Variants in PDE4D observed in about 807,000 individuals in gnomAD.
PDE4D encodes the protein 3',5'-cyclic-AMP phosphodiesterase 4D.
A neutral mutation model predicts 87.4 loss-of-function variants in PDE4D; 24 were observed. The observed-to-expected ratio is 0.27, with a 90% CI of 0.20 to 0.39. The LOEUF is 0.39. PDE4D is among the 10% of genes least tolerant of loss of function. PDE4D has a pLI of 1.00. For synonymous variants in PDE4D, 384 were observed against 383.2 expected (o/e 1.00, Z -0.02); for missense variants, 714 against 1,041.0 (o/e 0.69, Z 4.32).
intron 1 of PDE4D, among the ~76,000 whole-genome samples, chr5:59,883,171 T>G (rs1267948783): frequency 6.6e-6 from 1 of 152,214 alleles, no homozygotes; most frequent in East Asian, 1.9e-4. Context: ...GAGAATTAGG[T>G]TGGGCTTGCT....
At position 59,759,553 on chromosome 5, in the gene PDE4D, A is replaced by T. The variant is rs545257352; in HGVS notation, c.455+133615T>A. On this transcript the variant is annotated intron_variant, in intron 1 of 14. Coordinates refer to ENST00000340635, the MANE Select transcript of PDE4D (RefSeq NM_001104631.2). Reference sequence around the variant, plus strand: ...GTAATTCCTTAAACATGACAAGCCAATCGGCATGTTCTTTAAAAGGAAAAT... The same window carrying T: ...GTAATTCCTTAAACATGACAAGCCATTCGGCATGTTCTTTAAAAGGAAAAT... Among the ~76,000 whole-genome samples, 9 of 152,354 alleles carry T rather than the reference A, an allele frequency of 5.9e-5. No homozygotes were observed. The South Asian group carries it at 1.9e-3, about 32-fold the overall frequency.
chr5:59,571,578 G>T (rs1243627650), intron 1 of PDE4D, among the ~76,000 whole-genome samples: 3 of 152,150 alleles, frequency 2.0e-5, no homozygotes, highest in Admixed American at 2.0e-4. Flanking sequence ...GTTTGACACA[G>T]ATAGACTCAT....
chr5:59,423,993 T>C lies in PDE4D; in HGVS notation c.456-208025A>G, dbSNP rs1050687410. 1.0e-3 allele frequency among the ~76,000 whole-genome samples: 159 copies of C among 152,090 alleles called. 1 individual carries two copies. Among genetic ancestry groups the C allele is most frequent in the African/African-American group, 3.6e-3 (149 of 41,488 alleles). On this transcript the variant is annotated intron_variant, in intron 1 of 14. Coordinates refer to ENST00000340635, the MANE Select transcript of PDE4D (RefSeq NM_001104631.2). Reference sequence around the variant, plus strand: ...GATAACATGAGGGTTGGACCCAAGATGGTAGCAGTGGAGATGGCATCAAAG... The same window carrying C: ...GATAACATGAGGGTTGGACCCAAGACGGTAGCAGTGGAGATGGCATCAAAG...
At chr5:60,478,720 T>G (rs192671722) in intron 1 of PDE4D, among the ~76,000 whole-genome samples, 46 of 152,264 alleles carry the variant, frequency 3.0e-4, no homozygotes, top group Admixed American at 2.2e-3. Flanking sequence ...ATTAGAGAAG[T>G]GAATAATAAA....
intron 1 of PDE4D, among the ~76,000 whole-genome samples, chr5:60,239,013 A>G (rs1037466847): frequency 6.6e-6 from 1 of 152,062 alleles, no homozygotes; most frequent in Admixed American, 6.6e-5. Flanking sequence ...CACTAGGCGT[A>G]AATGGGTTTT....
At chr5:59,453,029 C>T (rs1270664296) in intron 1 of PDE4D, among the ~76,000 whole-genome samples, 1 of 150,970 alleles carries the variant, frequency 6.6e-6, no homozygotes, top group East Asian at 2.0e-4. Context: ...ATTTTTCTAA[C>T]AGCATGTGCT....
chr5:60,046,373 A>G (rs949541111), intron 2 of PDE4D, among the ~76,000 whole-genome samples: 7 of 152,040 alleles, frequency 4.6e-5, no homozygotes, highest in Non-Finnish European at 1.0e-4. Flanking sequence ...TCTCCTGCCT[A>G]ATTGCTCTGG....
At chr5:60,103,508 G>A (rs1038577001) in intron 2 of PDE4D, among the ~76,000 whole-genome samples, 4 of 152,148 alleles carry the variant, frequency 2.6e-5, no homozygotes, top group Admixed American at 2.6e-4. Context: ...TGAAGAACAT[G>A]TAGCCAGGCC....
intron 1 of PDE4D, among the ~76,000 whole-genome samples, chr5:59,248,048 A>C (rs1442239667): frequency 9.1e-5 from 12 of 131,388 alleles, no homozygotes; most frequent in African/African-American, 2.9e-4. Flanking sequence ...TTAGTAAAAA[A>C]AAAAAAAAAA....
chr5:60,487,391 T>C (rs756840235), intron 1 of PDE4D, among the ~76,000 whole-genome samples: 2 of 152,234 alleles, frequency 1.3e-5, no homozygotes, highest in African/African-American at 2.4e-5. Flanking sequence ...TTTTTGTTCA[T>C]ATAAAAATGT....
In PDE4D at chr5:59,014,261, G is replaced by C. The variant is rs10155627; in HGVS notation, c.922-20796C>G. Reference sequence around the variant, plus strand: ...CAAGACAGGGATGCCTTCTCTCACCGCTCCTATTCAACATAGTGTTGAAAG... The same window carrying C: ...CAAGACAGGGATGCCTTCTCTCACCCCTCCTATTCAACATAGTGTTGAAAG... On this transcript the variant is annotated intron_variant, in intron 6 of 14. Coordinates refer to ENST00000340635, the MANE Select transcript of PDE4D (RefSeq NM_001104631.2). Among the ~76,000 whole-genome samples the C allele has an allele frequency of 5.9e-5, 9 of 152,104 alleles. No homozygotes were observed. In the South Asian group the frequency reaches 6.2e-4, roughly 11 times the overall value.
At chr5:60,264,620 G>A (rs993528963) in intron 1 of PDE4D, among the ~76,000 whole-genome samples, 3 of 152,218 alleles carry the variant, frequency 2.0e-5, no homozygotes, top group Non-Finnish European at 4.4e-5. Flanking sequence ...CAAATTCAGC[G>A]ACATCTGTCA....
chr5:59,574,060 AAATATATATATT>A (rs1561239936), intron 1 of PDE4D, among the ~76,000 whole-genome samples: 743 of 44,718 alleles, frequency 0.017, 23 homozygotes, highest in African/African-American at 0.063. Flanking sequence ...TTATATATAA[AAATATATATATT>A]TATATATATA....
At chr5:59,451,702 C>T (rs1398211646) in intron 1 of PDE4D, among the ~76,000 whole-genome samples, 1 of 152,238 alleles carries the variant, frequency 6.6e-6, no homozygotes, top group Non-Finnish European at 1.5e-5. Context: ...CCTCCATTGC[C>T]TCTGCTATCA....
intron 1 of PDE4D, among the ~76,000 whole-genome samples, chr5:59,728,068 C>G (rs776550571): frequency 6.6e-6 from 1 of 151,880 alleles, no homozygotes; most frequent in Non-Finnish European, 1.5e-5. Flanking sequence ...ACAGTAGCAC[C>G]CAGTTTTGTA....
At chr5:59,258,068 C>A (rs1005131884) in intron 1 of PDE4D, among the ~76,000 whole-genome samples, 10 of 151,954 alleles carry the variant, frequency 6.6e-5, no homozygotes, top group South Asian at 2.1e-4. Context: ...AGACAGCAAT[C>A]TTTCACTTCT....
At chr5:59,859,624 C>G (rs1337173236) in intron 1 of PDE4D, among the ~76,000 whole-genome samples, 1 of 152,132 alleles carries the variant, frequency 6.6e-6, no homozygotes, top group African/African-American at 2.4e-5. Flanking sequence ...TAAATTTTCA[C>G]CAAATTTCCT....
chr5:59,954,430 CT>C (rs2152806382), intron 3 of PDE4D, among the ~76,000 whole-genome samples: 1 of 152,222 alleles, frequency 6.6e-6, no homozygotes, highest in South Asian at 2.1e-4. Flanking sequence ...AAACAAACAT[CT>C]TGGCAGTTAT....
At chr5:59,384,861 C>T (rs1037133509) in intron 1 of PDE4D, among the ~76,000 whole-genome samples, 5 of 151,758 alleles carry the variant, frequency 3.3e-5, no homozygotes, top group African/African-American at 1.2e-4. Context: ...TCTCCAGTTC[C>T]CTTTTTTCAC....
Sources: allele counts gnomAD v4.1 joint callset (sites outside exome capture counted in the v4.1 genomes callset), GRCh38; gene constraint gnomAD v4.1.1; transcripts MANE v1.5; gene names NCBI Gene and HGNC (gene_info 2026-07-23, HGNC 2026-07-21).